PSMG2: variants seen among roughly 807,000 people sequenced by gnomAD.
PSMG2 encodes CD40 ligand-activated specific transcript 3.
In PSMG2, 21 loss-of-function variants were observed where a neutral mutation model predicts 31.5. The ratio of observed to expected loss-of-function variants is 0.67; its 90% CI spans 0.47 to 0.96. PSMG2 has a LOEUF of 0.96. Ranked by LOEUF, PSMG2 falls within the 40% of genes least tolerant of loss-of-function variation. The pLI is 0.00. For synonymous variants in PSMG2, 120 were observed against 110.4 expected, an observed-to-expected ratio of 1.09 and a Z score of -0.54; for missense variants, 318 against 321.2, an observed-to-expected ratio of 0.99 and a Z score of 0.08.
At chr18:12,664,213 C>T (rs1416257796) in intron 1 of PSMG2, among the ~76,000 whole-genome samples, 1 of 151,974 alleles carries the variant, frequency 6.6e-6, no homozygotes, top group Non-Finnish European at 1.5e-5. Flanking sequence ...TGGGCCGGGA[C>T]TACAGGGATG....
chr18:12,723,119 C>G (rs554514645), intron 5 of PSMG2, among the ~76,000 whole-genome samples: 11 of 152,334 alleles, frequency 7.2e-5, no homozygotes, highest in African/African-American at 2.4e-4. Context: ...TCTGAGACTT[C>G]CGAATGTATA....
At chr18:12,669,058 T>TTTTTA (rs2038873511) in intron 1 of PSMG2, among the ~76,000 whole-genome samples, 4 of 127,490 alleles carry the variant, frequency 3.1e-5, no homozygotes, top group Admixed American at 8.6e-5. Context: ...TTTTTTTTTT[T>TTTTTA]GAGACAGAGT....
At chr18:12,703,521 A>G (rs1568038636) in intron 1 of PSMG2, among the ~76,000 whole-genome samples, 2 of 152,202 alleles carry the variant, frequency 1.3e-5, no homozygotes, top group Admixed American at 1.3e-4. Context: ...CTAGCATATT[A>G]TCGTTGTTAA....
At chr18:12,716,390 A>ATTTTTT (rs552921643) in intron 3 of PSMG2, among the ~76,000 whole-genome samples, 2 of 130,342 alleles carry the variant, frequency 1.5e-5, no homozygotes, top group Non-Finnish European at 3.2e-5. Context: ...TAAAGAGTGA[A>ATTTTTT]TTTTTTTTTT....
intron 2 of PSMG2, among the ~76,000 whole-genome samples, chr18:12,707,567 C>G (rs2040282888): frequency 6.6e-6 from 1 of 152,142 alleles, no homozygotes; most frequent in African/African-American, 2.4e-5. Context: ...TACTGTAAAT[C>G]TTTGTAATTC....
In PSMG2 at chr18:12,724,452, C is replaced by T. The variant is rs200988984; in HGVS notation, c.582-47C>T. The T allele has an allele frequency of 1.0e-5, 16 of 1,541,862 alleles. No homozygotes were observed. The South Asian group carries it at 1.9e-4, about 19-fold the overall frequency. On this transcript the variant is annotated intron_variant, in intron 5 of 6. Transcript: ENST00000317615. ...AAAAACAGACACACTAGAGTCAGCT[C>T]TTGTACCCTATGAAAGAATACTGAT...
At chr18:12,716,519 G>A (rs1162581395) in intron 3 of PSMG2, among the ~76,000 whole-genome samples, 2 of 149,688 alleles carry the variant, frequency 1.3e-5, no homozygotes, top group African/African-American at 4.9e-5. Context: ...TCAGCCTCCC[G>A]AGTAGCTGGG....
chr18:12,676,773 A>G lies in PSMG2; in HGVS notation c.-37+18000A>G, dbSNP rs111626344. Among the ~76,000 whole-genome samples the G allele has an allele frequency of 9.3e-3, 1,414 of 152,276 alleles. 26 individuals are homozygous for G. Among genetic ancestry groups the G allele is most frequent in the African/African-American group, 0.032 (1,342 of 41,546 alleles). ...GCCAGGTTTTCCAAAATGTATGTTT[A>G]AATGCTTTGATAAGTTGACAAGTGA... On this transcript the variant is annotated intron_variant, in intron 1 of 6. Transcript: ENST00000585331.
intron 1 of PSMG2, among the ~76,000 whole-genome samples, chr18:12,705,329 G>A (rs143018834): frequency 0.02 from 3,115 of 152,204 alleles, 120 homozygotes; most frequent in African/African-American, 0.071. Flanking sequence ...CTCCCAAAGT[G>A]CTGGGATTAC....
intron 1 of PSMG2, among the ~76,000 whole-genome samples, chr18:12,696,777 G>A (rs371609611): frequency 6.5e-4 from 99 of 152,058 alleles, no homozygotes; most frequent in African/African-American, 2.0e-3. Context: ...TTCCTCTTCC[G>A]AGTCTCACTC....
rs911046775 is a variant in PSMG2 at position 12,720,440 on chromosome 18, G to T, written c.408-70G>T. The T allele has an allele frequency of 2.9e-5, 38 of 1,298,406 alleles. No homozygotes were observed. The East Asian group carries it at 8.4e-4, about 29-fold the overall frequency. 80.4% of individuals were successfully genotyped at this position (1,298,406 alleles called of 1,614,324 possible). ...GTGCAGCAGAATATATGGAGACCAA[G>T]AGAATTTTAGCTAAAGAACCGATGT... On this transcript the variant is annotated intron_variant, in intron 4 of 6. Transcript: ENST00000317615.
chr18:12,692,969 T>C (rs2039822117), intron 1 of PSMG2, among the ~76,000 whole-genome samples: 1 of 152,180 alleles, frequency 6.6e-6, no homozygotes, highest in South Asian at 2.1e-4. Flanking sequence ...ACTACAGGAA[T>C]GCACCACCAT....
At chr18:12,720,238 G>C in intron 4 of PSMG2, among the ~76,000 whole-genome samples, 1 of 152,262 alleles carries the variant, frequency 6.6e-6, no homozygotes, top group Middle Eastern at 3.4e-3. Flanking sequence ...TAATTTCCAG[G>C]ACTTTCACAA....
intron 1 of PSMG2, among the ~76,000 whole-genome samples, chr18:12,697,048 T>C (rs1197443737): frequency 2.0e-5 from 3 of 152,214 alleles, no homozygotes; most frequent in Admixed American, 2.0e-4. Flanking sequence ...TATACTGATA[T>C]TATTCTTCAA....
intron 5 of PSMG2, among the ~76,000 whole-genome samples, chr18:12,723,714 G>A (rs573152990): frequency 6.6e-6 from 1 of 152,232 alleles, no homozygotes; most frequent in South Asian, 2.1e-4. Context: ...CTTTAAACCT[G>A]TTACCTCATA....
chr18:12,695,242 A>T (rs776776734), intron 1 of PSMG2: 1 of 1,241,506 alleles, frequency 8.1e-7, no homozygotes. Context: ...AGAGAAACTC[A>T]TAAGTATTTA....
intron 5 of PSMG2, among the ~76,000 whole-genome samples, chr18:12,721,470 A>G (rs1202937003): frequency 6.6e-6 from 1 of 152,214 alleles, no homozygotes; most frequent in Non-Finnish European, 1.5e-5. Flanking sequence ...ATCTGCATCC[A>G]TCAGCACTGT....
chr18:12,690,416 C>T (rs1432077595), intron 1 of PSMG2, among the ~76,000 whole-genome samples: 1 of 151,744 alleles, frequency 6.6e-6, no homozygotes, highest in African/African-American at 2.4e-5. Flanking sequence ...TTGAACTGTT[C>T]CTTAGGAGTT....
chr18:12,679,505 T>C (rs544405657), intron 1 of PSMG2, among the ~76,000 whole-genome samples: 1 of 152,300 alleles, frequency 6.6e-6, no homozygotes, highest in East Asian at 1.9e-4. Context: ...GTTCAATAAA[T>C]TCCATTTTTC....
Sources: gnomAD v4.1 joint callset for allele counts (sites outside exome capture counted in the v4.1 genomes callset) on GRCh38, gnomAD v4.1.1 for gene constraint, MANE v1.5 for transcripts, NCBI Gene and HGNC (gene_info 2026-07-23, HGNC 2026-07-21) for gene names.